TYW1B: variants seen among roughly 807,000 people sequenced by gnomAD.
The protein encoded by TYW1B is S-adenosyl-L-methionine-dependent tRNA 4-demethylwyosine synthase TYW1B.
TYW1B carries 73 observed loss-of-function variants against 86.9 expected under a neutral mutation model. The observed-to-expected ratio is 0.84, with a 90% confidence interval of 0.70 to 1.02. The LOEUF is 1.02. Among genes scored for constraint, TYW1B ranks in the 50% least tolerant of loss-of-function variants. The pLI, the probability that TYW1B is intolerant of heterozygous loss-of-function variation, is 0.00. For synonymous variants in TYW1B, 248 were observed against 292.8 expected (o/e 0.85, Z 1.56); for missense variants, 637 against 827.4 (o/e 0.77, Z 2.82).
At chr7:72,645,291 C>T (rs1447474856) in intron 11 of TYW1B, among the ~76,000 whole-genome samples, 2 of 152,094 alleles carry the variant, frequency 1.3e-5, no homozygotes, top group African/African-American at 4.8e-5. Context: ...TTTAAAAATC[C>T]TATAAACCAA....
chr7:72,802,666 G>A (rs1554476032), intron 5 of TYW1B, 144 bp from the exon 6 acceptor site: 4 of 1,362,988 alleles, frequency 2.9e-6, no homozygotes, highest in Non-Finnish European at 3.9e-6. Context: ...TGTCGCCCAG[G>A]CTGGAGCGCA....
At chr7:72,698,410 T>C (rs577777699) in intron 10 of TYW1B, among the ~76,000 whole-genome samples, 42 of 152,218 alleles carry the variant, frequency 2.8e-4, no homozygotes, top group African/African-American at 1.0e-3. Context: ...TTTGGGAGGC[T>C]GAGGCAGGAG....
chr7:72,781,201 G>A (rs569837538), intron 6 of TYW1B, among the ~76,000 whole-genome samples: 5 of 152,152 alleles, frequency 3.3e-5, no homozygotes, highest in African/African-American at 9.6e-5. Flanking sequence ...TGCCCAACGC[G>A]TGATACCAGA....
At chr7:72,735,973 T>C (rs1159650032) in intron 8 of TYW1B, among the ~76,000 whole-genome samples, 1 of 152,198 alleles carries the variant, frequency 6.6e-6, no homozygotes, top group Non-Finnish European at 1.5e-5. Flanking sequence ...AAATGCTTGC[T>C]CCCCAGTGCT....
intron 8 of TYW1B, among the ~76,000 whole-genome samples, chr7:72,740,591 G>A (rs1198935150): frequency 1.4e-5 from 2 of 147,274 alleles, no homozygotes; most frequent in Non-Finnish European, 1.5e-5. Flanking sequence ...ATAAAACAAA[G>A]AATAAAATCT....
intron 7 of TYW1B, among the ~76,000 whole-genome samples, chr7:72,770,427 C>CA (rs587645992): frequency 0.67 from 63,457 of 94,348 alleles, 20,168 homozygotes; most frequent in Non-Finnish European, 0.71. Context: ...GACTCCGTCT[C>CA]AAAAAAAAAA....
At chr7:72,793,129 A>G (rs1788247730) in intron 6 of TYW1B, among the ~76,000 whole-genome samples, 1 of 151,826 alleles carries the variant, frequency 6.6e-6, no homozygotes, top group African/African-American at 2.4e-5. Context: ...TCTTGAGGCC[A>G]GGAATTTGAC....
Position 72,725,102 on chromosome 7 carries a change from A to G in TYW1B, c.1192+3720T>C, listed in dbSNP as rs182940373. Among the ~76,000 whole-genome samples, 117 of 152,330 alleles carry G rather than the reference A, an allele frequency of 7.7e-4. 1 individual carries two copies. The highest frequency in any genetic ancestry group is 2.5e-3 in the African/African-American group (105 of 41,588). On this transcript the variant is annotated intron_variant, in intron 9 of 13. Transcript: ENST00000620995. ...ACAAGACCCTCAACAGGCCCAGCAG[A>G]CAATGAAAAACACGTGCTCACGGAA...
At chr7:72,603,656 T>C (rs1354835334) in intron 13 of TYW1B, among the ~76,000 whole-genome samples, 3 of 152,072 alleles carry the variant, frequency 2.0e-5, no homozygotes, top group African/African-American at 7.2e-5. Flanking sequence ...ACTGCCTCAG[T>C]TGGTGGATCG....
chr7:72,683,727 C>T (rs190493020), intron 11 of TYW1B, among the ~76,000 whole-genome samples: 8 of 152,236 alleles, frequency 5.3e-5, no homozygotes, highest in Admixed American at 2.0e-4. Context: ...TTACAAGGCA[C>T]ACTAAAAGGC....
At chr7:72,743,685 A>T (rs1787344210) in intron 8 of TYW1B, among the ~76,000 whole-genome samples, 1 of 151,932 alleles carries the variant, frequency 6.6e-6, no homozygotes, top group Non-Finnish European at 1.5e-5. Context: ...CTCTACTAAA[A>T]ATACAAAAAT....
intron 2 of TYW1B, among the ~76,000 whole-genome samples, chr7:72,817,863 T>C (rs1366082241): frequency 2.6e-5 from 4 of 152,216 alleles, no homozygotes; most frequent in South Asian, 4.1e-4. Context: ...AATTGGCTCA[T>C]GGCCAATCAG....
intron 11 of TYW1B, among the ~76,000 whole-genome samples, chr7:72,658,719 TTTGTA>T (rs1813262535): frequency 1.3e-5 from 2 of 152,236 alleles, no homozygotes; most frequent in East Asian, 3.9e-4. Flanking sequence ...ATAAGACTAT[TTTGTA>T]TTGTTTTGTT....
At position 72,806,485 on chromosome 7, in the gene TYW1B, C is replaced by T. The variant is rs1305449351; in HGVS notation, c.723+581G>A. 5.9e-5 allele frequency among the ~76,000 whole-genome samples: 9 copies of T among 152,208 alleles called. No individual in the cohort carries two copies. The South Asian group carries it at 1.2e-3, about 21-fold the overall frequency. On this transcript the variant is annotated intron_variant, in intron 5 of 13. Coordinates refer to ENST00000620995, the MANE Select transcript of TYW1B (RefSeq NM_001145440.3). ...TCTTGACTTCAAGTGATCCACCCACCTTGGCCTCCCAAAAGTGCTGGGATT... is the reference window on the plus strand; with the variant it reads ...TCTTGACTTCAAGTGATCCACCCACTTTGGCCTCCCAAAAGTGCTGGGATT...
In TYW1B at chr7:72,697,113, C is replaced by T. The variant is rs552094949; in HGVS notation, c.1371-2291G>A. On this transcript the variant is annotated intron_variant, in intron 10 of 13. Coordinates refer to ENST00000620995, the MANE Select transcript of TYW1B (RefSeq NM_001145440.3). ...TATCATCATCTGATAACTAACAGGA[C>T]TTTGTCAAAAGCTTCCTGATGCAAA... Among the ~76,000 whole-genome samples, 19 of 150,112 alleles carry T rather than the reference C, an allele frequency of 1.3e-4. No individual in the cohort carries two copies. The East Asian group carries it at 3.8e-3, about 30-fold the overall frequency.
intron 8 of TYW1B, among the ~76,000 whole-genome samples, chr7:72,742,425 C>T (rs1350502614): frequency 2.6e-5 from 4 of 152,148 alleles, no homozygotes; most frequent in Non-Finnish European, 4.4e-5. Context: ...CCACTGCACC[C>T]GGCCAGTATT....
chr7:72,657,727 A>C (rs1274166838), intron 11 of TYW1B, among the ~76,000 whole-genome samples: 4 of 152,206 alleles, frequency 2.6e-5, no homozygotes, highest in African/African-American at 9.6e-5. Context: ...AAAATACTAC[A>C]TCCAGCAAAA....
intron 11 of TYW1B, among the ~76,000 whole-genome samples, chr7:72,634,770 T>A (rs558637517): frequency 2.0e-5 from 3 of 152,206 alleles, no homozygotes; most frequent in Admixed American, 6.6e-5. Flanking sequence ...TTTCTGGCTA[T>A]CTGTATCTCT....
intron 6 of TYW1B, among the ~76,000 whole-genome samples, chr7:72,790,539 C>T (rs563850033): frequency 6.6e-6 from 1 of 152,336 alleles, no homozygotes; most frequent in African/African-American, 2.4e-5. Context: ...CACCCTCCTC[C>T]TCCAGTCCCT....
Sources: gnomAD v4.1 joint callset for allele counts (sites outside exome capture counted in the v4.1 genomes callset) on GRCh38, gnomAD v4.1.1 for gene constraint, MANE v1.5 for transcripts, NCBI Gene and HGNC (gene_info 2026-07-23, HGNC 2026-07-21) for gene names.